Variants in TEX36 observed in about 807,000 individuals in gnomAD.
The protein encoded by TEX36 is testis-expressed protein 36.
Under a neutral mutation model 13.6 loss-of-function variants are expected in TEX36, and 12 were observed. The observed-to-expected ratio is 0.88, with a 90% CI of 0.56 to 1.43. TEX36 has a LOEUF of 1.43. Among genes scored for constraint, TEX36 ranks in the 40% most tolerant of loss-of-function variants. TEX36 has a pLI of 0.00. For synonymous variants in TEX36, 93 were observed against 83.0 expected (o/e 1.12, Z -0.65); for missense variants, 224 against 228.3 (o/e 0.98, Z 0.12).
At chr10:125,644,211 G>C (rs933633091) in intron 3 of TEX36, among the ~76,000 whole-genome samples, 3 of 152,188 alleles carry the variant, frequency 2.0e-5, no homozygotes, top group Non-Finnish European at 4.4e-5. Context: ...TCATTGAAGA[G>C]CCACTTAGTA....
intron 3 of TEX36, among the ~76,000 whole-genome samples, chr10:125,608,434 T>C (rs1846242668): frequency 6.6e-6 from 1 of 152,190 alleles, no homozygotes; most frequent in South Asian, 2.1e-4. Context: ...CAGTCATTGA[T>C]TATGCTCACA....
chr10:125,598,470 G>A (rs1305985209), intron 3 of TEX36, among the ~76,000 whole-genome samples: 1 of 152,124 alleles, frequency 6.6e-6, no homozygotes, highest in East Asian at 1.9e-4. Flanking sequence ...CTAATCTCTA[G>A]GAAGAGGATC....
chr10:125,665,799 A>G (rs906703876), intron 1 of TEX36, among the ~76,000 whole-genome samples: 1 of 152,174 alleles, frequency 6.6e-6, no homozygotes, highest in African/African-American at 2.4e-5. Context: ...TTTAAGCAAT[A>G]TGGTCATTTT....
intron 1 of TEX36, among the ~76,000 whole-genome samples, chr10:125,672,182 C>T (rs1847243341): frequency 6.6e-6 from 1 of 151,824 alleles, no homozygotes; most frequent in Non-Finnish European, 1.5e-5. Context: ...CTTTGGGGTT[C>T]ATTTGCTCTT....
intron 3 of TEX36, among the ~76,000 whole-genome samples, chr10:125,645,308 TG>T (rs1454960146): frequency 6.6e-6 from 1 of 152,198 alleles, no homozygotes; most frequent in Non-Finnish European, 1.5e-5. Flanking sequence ...TAGAGGTGAT[TG>T]GGTTATAAGG....
intron 1 of TEX36, among the ~76,000 whole-genome samples, chr10:125,679,591 T>G (rs1035895310): frequency 1.3e-5 from 2 of 152,164 alleles, no homozygotes; most frequent in African/African-American, 4.8e-5. Flanking sequence ...GCCGGAAGTC[T>G]CTCACTTACT....
chr10:125,586,448 G>T (rs893091209), intron 3 of TEX36, among the ~76,000 whole-genome samples: 1 of 151,768 alleles, frequency 6.6e-6, no homozygotes, highest in African/African-American at 2.4e-5. Context: ...CTTGTGAATA[G>T]GATCTTATTC....
chr10:125,615,548 T>G (rs1287044102), intron 3 of TEX36, among the ~76,000 whole-genome samples: 5 of 151,978 alleles, frequency 3.3e-5, no homozygotes, highest in Non-Finnish European at 7.4e-5. Context: ...AATCATGTGG[T>G]TTTTGTCTTT....
intron 1 of TEX36, chr10:125,667,456 C>T (rs1163063364): frequency 2.8e-6 from 2 of 708,102 alleles, no homozygotes; most frequent in Admixed American, 1.8e-5. Flanking sequence ...TGGTATTTTC[C>T]ATGACGGCAA....
In TEX36 at chr10:125,633,875, G is replaced by A. The variant is rs138302553; in HGVS notation, c.265-12230C>T. 1.8e-3 allele frequency among the ~76,000 whole-genome samples: 281 copies of A among 152,228 alleles called. 6 individuals carry two copies. In the South Asian group the frequency reaches 0.037, roughly 20 times the overall value. On this transcript the variant is annotated intron_variant, in intron 3 of 3. Coordinates refer to the TEX36 transcript ENST00000526819. ...ACTGCATTGTAAAAGCAGACGCCTGGCGAACAAAGGCATGCCGATGAGTAA... is the reference window on the plus strand; with the variant it reads ...ACTGCATTGTAAAAGCAGACGCCTGACGAACAAAGGCATGCCGATGAGTAA...
exon 4 of TEX36, chr10:125,576,574 C>A: frequency 2.3e-6 from 2 of 876,420 alleles, no homozygotes; most frequent in Non-Finnish European, 3.4e-6. Flanking sequence ...CACAGGCAAG[C>A]AGAATAAGAG....
At chr10:125,588,739 C>T (rs559258260) in intron 3 of TEX36, among the ~76,000 whole-genome samples, 16 of 152,268 alleles carry the variant, frequency 1.1e-4, no homozygotes, top group African/African-American at 3.4e-4. Flanking sequence ...CTCAGCCTCC[C>T]GAGTAGCTGG....
In TEX36 at chr10:125,656,077, T is replaced by C. The variant is rs751041069; in HGVS notation, c.384A>G (p.Ser128=). Reference sequence around the variant, plus strand: ...CCACCATGGCTTCTTTATATACGTATGATATTTGGTTATTTGAAAAGCCAT... The same window carrying C: ...CCACCATGGCTTCTTTATATACGTACGATATTTGGTTATTTGAAAAGCCAT... ...CLDGFSNNQI[S]YVYKEAMVVS... Residue 128 remains serine (S), a synonymous_variant, in exon 4 of 4, where the codon TCA becomes TCG. Coordinates refer to ENST00000368821, the MANE Select transcript of TEX36 (RefSeq NM_001128202.3). The C allele has an allele frequency of 6.0e-5, 93 of 1,551,550 alleles. No homozygotes were observed. In the Middle Eastern group the frequency reaches 6.6e-4, roughly 11 times the overall value.
intron 3 of TEX36, among the ~76,000 whole-genome samples, chr10:125,638,990 C>G (rs1054135943): frequency 6.6e-6 from 1 of 152,180 alleles, no homozygotes; most frequent in African/African-American, 2.4e-5. Context: ...ATAAATGAAG[C>G]CAAAATAATT....
chr10:125,621,720 C>A (rs1050024892), intron 3 of TEX36: 2 of 452,410 alleles, frequency 4.4e-6, no homozygotes, highest in African/African-American at 2.0e-5. Context: ...AACAGTGTAG[C>A]CTTCCATCTG....
intron 3 of TEX36, among the ~76,000 whole-genome samples, chr10:125,602,288 C>T (rs1846158758): frequency 6.6e-6 from 1 of 152,212 alleles, no homozygotes; most frequent in South Asian, 2.1e-4. Context: ...TTCATTTTCA[C>T]TATGAAATTT....
chr10:125,612,077 C>A (rs1589754060), intron 3 of TEX36, among the ~76,000 whole-genome samples: 1 of 147,044 alleles, frequency 6.8e-6, no homozygotes, highest in Admixed American at 6.9e-5. Flanking sequence ...TTTTCTTTTT[C>A]TTTTTCTTTT....
At chr10:125,631,641 A>G (rs768100207) in intron 3 of TEX36, among the ~76,000 whole-genome samples, 10 of 152,202 alleles carry the variant, frequency 6.6e-5, no homozygotes, top group Non-Finnish European at 1.5e-4. Flanking sequence ...TGGGTCTTGA[A>G]TGACAGGTGA....
intron 3 of TEX36, among the ~76,000 whole-genome samples, chr10:125,633,254 G>T (rs1047607182): frequency 2.6e-5 from 4 of 152,218 alleles, no homozygotes; most frequent in Non-Finnish European, 5.9e-5. Flanking sequence ...CCTGATGAGA[G>T]ATGATTTTTT....
Sources: allele counts gnomAD v4.1 joint callset (sites outside exome capture counted in the v4.1 genomes callset), GRCh38; gene constraint gnomAD v4.1.1; transcripts MANE v1.5; gene names NCBI Gene and HGNC (gene_info 2026-07-23, HGNC 2026-07-21).